HMGB1: variants seen among roughly 807,000 people sequenced by gnomAD.
The protein encoded by HMGB1 is high mobility group protein B1.
For synonymous variants in HMGB1, 81 were observed against 84.0 expected (o/e 0.96, Z 0.19); for missense variants, 79 against 253.5 (o/e 0.31, Z 4.67).
intron 1 of HMGB1, among the ~76,000 whole-genome samples, chr13:30,570,649 T>C (rs971376454): frequency 1.3e-5 from 2 of 152,238 alleles, no homozygotes; most frequent in African/African-American, 4.8e-5. Flanking sequence ...CTGTATTAAA[T>C]GCTCTGCTTC....
intron 1 of HMGB1, among the ~76,000 whole-genome samples, chr13:30,611,848 AT>A (rs1342316467): frequency 6.7e-6 from 1 of 148,630 alleles, no homozygotes; most frequent in Non-Finnish European, 1.5e-5. Context: ...AAAACAGTAA[AT>A]GTAAAAAAAA....
At chr13:30,572,432 A>T (rs906939884) in intron 1 of HMGB1, among the ~76,000 whole-genome samples, 2 of 152,234 alleles carry the variant, frequency 1.3e-5, no homozygotes, top group Non-Finnish European at 2.9e-5. Context: ...AAAATTAAGT[A>T]AAATATCTAA....
Position 30,458,212 on chromosome 13 carries a change from CCTT to C in HMGB1, c.*3142_*3144del, listed in dbSNP as rs1427068750. The C allele has an allele frequency of 2.6e-5, 4 of 151,168 alleles. No homozygotes were observed. The highest frequency in any genetic ancestry group is 2.6e-4 in the Admixed American group (4 of 15,216). The allele number at this position is 151,168 out of a possible 1,614,324, so 9.4% of individuals were successfully genotyped here. A position where few individuals can be genotyped will look rare whatever the true frequency, so the allele number is the denominator to read the frequency against. ...CCTAAATGTGAACTTTCATCAAGGACCTTTTTAGGAGGCGTATTGTACCAAGCA... is the reference window on the plus strand; with the variant it reads ...CCTAAATGTGAACTTTCATCAAGGACTTTAGGAGGCGTATTGTACCAAGCA... On this transcript the variant is annotated 3_prime_UTR_variant, in exon 5 of 5. Coordinates refer to ENST00000341423, the MANE Select transcript of HMGB1 (RefSeq NM_002128.7).
chr13:30,599,745 A>G (rs1871779836), intron 1 of HMGB1, among the ~76,000 whole-genome samples: 1 of 152,184 alleles, frequency 6.6e-6, no homozygotes, highest in African/African-American at 2.4e-5. Flanking sequence ...AGGGTCCACC[A>G]TAAAGACCTC....
intron 1 of HMGB1, among the ~76,000 whole-genome samples, chr13:30,498,867 T>G (rs1243448010): frequency 6.6e-6 from 1 of 151,590 alleles, no homozygotes; most frequent in Non-Finnish European, 1.5e-5. Flanking sequence ...AGACTGGTCT[T>G]GAACTTCTGA....
rs1886202574 is a variant in HMGB1 at position 30,459,915 on chromosome 13, T to A, written c.*1442A>T. ...GGACTCAGATGTTCAGTATTCCTCCTGAAATTACATAAACAAATGCAAATG... is the reference window on the plus strand; with the variant it reads ...GGACTCAGATGTTCAGTATTCCTCCAGAAATTACATAAACAAATGCAAATG... On this transcript the variant is annotated 3_prime_UTR_variant, in exon 5 of 5. Coordinates refer to ENST00000341423, the MANE Select transcript of HMGB1 (RefSeq NM_002128.7). 2 of 152,596 alleles carry A rather than the reference T, an allele frequency of 1.3e-5. No homozygotes were observed. The highest frequency in any genetic ancestry group is 2.1e-4 in the South Asian group (1 of 4,834). The allele number at this position is 152,596 out of a possible 1,614,324, so 9.5% of individuals were successfully genotyped here.
intron 1 of HMGB1, among the ~76,000 whole-genome samples, chr13:30,505,396 T>G (rs1410593581): frequency 3.9e-5 from 6 of 152,106 alleles, no homozygotes. Flanking sequence ...GCCAGGATGG[T>G]CTCCATCTCC....
intron 1 of HMGB1, among the ~76,000 whole-genome samples, chr13:30,506,119 C>T (rs772132415): frequency 3.3e-5 from 5 of 152,316 alleles, no homozygotes; most frequent in South Asian, 2.1e-4. Context: ...GAATCAGGAT[C>T]GGATCGGGGG....
chr13:30,503,142 C>A (rs577414253), intron 1 of HMGB1, among the ~76,000 whole-genome samples: 172 of 145,564 alleles, frequency 1.2e-3, no homozygotes, highest in African/African-American at 4.1e-3. Flanking sequence ...CGAGACCATC[C>A]TGGCTGACAT....
At chr13:30,461,690 T>TTCA in intron 4 of HMGB1, 157 bp from the exon 5 acceptor site, 1 of 1,569,580 alleles carries the variant, frequency 6.4e-7, no homozygotes, top group Non-Finnish European at 8.7e-7. Flanking sequence ...TAACTAGAAC[T>TTCA]TCAATAAATG....
At chr13:30,526,391 A>C (rs1888368492) in intron 1 of HMGB1, among the ~76,000 whole-genome samples, 1 of 152,206 alleles carries the variant, frequency 6.6e-6, no homozygotes, top group African/African-American at 2.4e-5. Context: ...CTTGTGAATT[A>C]TTCATTATTT....
chr13:30,486,997 C>T (rs573614281), intron 1 of HMGB1, among the ~76,000 whole-genome samples: 2 of 152,212 alleles, frequency 1.3e-5, no homozygotes, highest in South Asian at 4.2e-4. Flanking sequence ...GTCTTATTTC[C>T]TCTGGGTCAT....
chr13:30,615,546 C>A (rs1950552362), intron 1 of HMGB1, among the ~76,000 whole-genome samples: 1 of 152,100 alleles, frequency 6.6e-6, no homozygotes, highest in Non-Finnish European at 1.5e-5. Flanking sequence ...ATTTTGTTGC[C>A]AAGCTTAAGA....
intron 1 of HMGB1, among the ~76,000 whole-genome samples, chr13:30,519,539 C>CA (rs11411401): frequency 0.77 from 110,892 of 144,130 alleles, 42,817 homozygotes; most frequent in Non-Finnish European, 0.82. Context: ...ACTAAAAATA[C>CA]AAAAAAAAAA....
At chr13:30,466,212 ACCGGAGCGGCCG>A (rs1295588077), upstream of HMGB1, among the ~76,000 whole-genome samples, 3 of 151,882 alleles carry the variant, frequency 2.0e-5, no homozygotes, top group Admixed American at 1.3e-4. Flanking sequence ...CCAGCCCCAC[ACCGGAGCGGCCG>A]CCGGAGCGAA....
chr13:30,461,255 C>T lies in HMGB1; in HGVS notation c.*102G>A. 6.7e-7 allele frequency: 1 copy of T among 1,486,586 alleles called. No individual in the cohort carries two copies. Among genetic ancestry groups the T allele is most frequent in the Non-Finnish European group, 8.9e-7 (1 of 1,117,908 alleles). 92.1% of individuals were successfully genotyped at this position (1,486,586 alleles called of 1,614,324 possible). ...CTGTACAGTTTAAAAACAAATCTTA[C>T]ACAGCCTTACATTTCAATTTTTTTC... On this transcript the variant is annotated 3_prime_UTR_variant, in exon 5 of 5. Coordinates refer to ENST00000341423, the MANE Select transcript of HMGB1 (RefSeq NM_002128.7).
At chr13:30,479,169 A>C (rs1273898290) in intron 1 of HMGB1, among the ~76,000 whole-genome samples, 1 of 152,156 alleles carries the variant, frequency 6.6e-6, no homozygotes, top group Non-Finnish European at 1.5e-5. Flanking sequence ...ACCTCTTGTC[A>C]CTATTGATGT....
chr13:30,614,567 ACAG>A (rs1482801629), intron 1 of HMGB1, among the ~76,000 whole-genome samples: 1 of 152,240 alleles, frequency 6.6e-6, no homozygotes, highest in Non-Finnish European at 1.5e-5. Flanking sequence ...GTAAGGTCAC[ACAG>A]CAGAAGAGAT....
intron 1 of HMGB1, among the ~76,000 whole-genome samples, chr13:30,545,186 C>T (rs911635702): frequency 1.3e-5 from 2 of 151,960 alleles, no homozygotes; most frequent in Non-Finnish European, 2.9e-5. Flanking sequence ...ATTTAAAATG[C>T]TGATGGATGT....
Sources: gnomAD v4.1 joint callset for allele counts (sites outside exome capture counted in the v4.1 genomes callset) on GRCh38, gnomAD v4.1.1 for gene constraint, MANE v1.5 for transcripts, NCBI Gene and HGNC (gene_info 2026-07-23, HGNC 2026-07-21) for gene names.